Variants in CYFIP2 observed in about 807,000 individuals in gnomAD.
The protein encoded by CYFIP2 is cytoplasmic FMR1 interacting protein 2.
CYFIP2 carries 29 observed loss-of-function variants against 158.7 expected under a neutral mutation model. The observed-to-expected ratio is 0.18, with a 90% CI of 0.14 to 0.25. The LOEUF (loss-of-function observed/expected upper bound fraction) is 0.25, where lower values mean the gene tolerates loss of function less well. Among genes scored for constraint, CYFIP2 ranks in the 10% least tolerant of loss-of-function variants. The pLI is 1.00. For synonymous variants in CYFIP2, 585 were observed against 617.6 expected (o/e 0.95, Z 0.78); for missense variants, 852 against 1,639.5 (o/e 0.52, Z 8.29).
chr5:157,312,023 A>G (rs1354100936), intron 11 of CYFIP2, among the ~76,000 whole-genome samples: 1 of 152,194 alleles, frequency 6.6e-6, no homozygotes, highest in African/African-American at 2.4e-5. Flanking sequence ...CTGTGAAATG[A>G]GGGTGATAAC....
chr5:157,273,857 A>G (rs1756314931), intron 1 of CYFIP2, among the ~76,000 whole-genome samples: 1 of 152,214 alleles, frequency 6.6e-6, no homozygotes, highest in Non-Finnish European at 1.5e-5. Context: ...AGTTCAGGGC[A>G]GGCATGGTGG....
intron 1 of CYFIP2, chr5:157,271,655 A>G (rs531681144): frequency 2.0e-5 from 3 of 152,358 alleles, no homozygotes; most frequent in East Asian, 3.9e-4. Context: ...ATCATGGTTG[A>G]GAGAGAACCA....
chr5:157,322,578 A>G (rs11134689), intron 15 of CYFIP2, among the ~76,000 whole-genome samples: 48,711 of 152,002 alleles, frequency 0.32, 8,588 homozygotes, highest in African/African-American at 0.48. Context: ...ATGGTGAGAC[A>G]GGCCCTCCAA....
At chr5:157,343,006 C>A (rs141743285) in intron 23 of CYFIP2, 304 of 1,614,078 alleles carry the variant, frequency 1.9e-4, no homozygotes, top group Non-Finnish European at 2.4e-4. Context: ...CCAGGGGGAG[C>A]CCCTGCAGGT....
At chr5:157,343,625 C>CA (rs1486399921) in intron 23 of CYFIP2, 1 of 1,123,500 alleles carries the variant, frequency 8.9e-7, no homozygotes, top group Non-Finnish European at 1.2e-6. Flanking sequence ...ATTTATTGCA[C>CA]ATTTGAGACG....
intron 26 of CYFIP2, among the ~76,000 whole-genome samples, chr5:157,378,071 T>C (rs1319967060): frequency 1.3e-5 from 2 of 152,156 alleles, no homozygotes; most frequent in African/African-American, 2.4e-5. Flanking sequence ...TGGGGCTTTA[T>C]GGGATGGATA....
intron 3 of CYFIP2, 30 bp downstream of exon 3, chr5:157,287,138 A>G: frequency 6.3e-7 from 1 of 1,597,182 alleles, no homozygotes; most frequent in Non-Finnish European, 8.6e-7. Flanking sequence ...GTGTGCAGAC[A>G]TGCTCCCTGC....
chr5:157,323,014 C>G (rs1246158458), intron 15 of CYFIP2: 1 of 1,536,058 alleles, frequency 6.5e-7, no homozygotes, highest in Non-Finnish European at 8.7e-7. Context: ...CTGCCGATCC[C>G]TGGTATCACA....
chr5:157,377,738 C>T (rs1765624114), intron 26 of CYFIP2, among the ~76,000 whole-genome samples: 1 of 152,236 alleles, frequency 6.6e-6, no homozygotes. Flanking sequence ...TGTTGGGTAT[C>T]TAGATCCTAT....
chr5:157,288,737 C>T (rs1757594140), intron 3 of CYFIP2: 1 of 419,948 alleles, frequency 2.4e-6, no homozygotes. Context: ...ACTCAGGGTC[C>T]TGCAGCTGAC....
intron 3 of CYFIP2, 127 bp downstream of exon 3, chr5:157,287,235 C>T: frequency 1.5e-6 from 1 of 673,308 alleles, no homozygotes; most frequent in Admixed American, 2.3e-5. Context: ...TCAGAATCAT[C>T]TGCTTAAGCC....
At chr5:157,392,202 A>G (rs1179018849) in intron 30 of CYFIP2, among the ~76,000 whole-genome samples, 1 of 152,130 alleles carries the variant, frequency 6.6e-6, no homozygotes, top group Non-Finnish European at 1.5e-5. Flanking sequence ...TTGCCTTTTC[A>G]TTCTCATGGT....
At chr5:157,283,580 A>G (rs957610335) in intron 1 of CYFIP2, among the ~76,000 whole-genome samples, 1 of 152,218 alleles carries the variant, frequency 6.6e-6, no homozygotes, top group Non-Finnish European at 1.5e-5. Flanking sequence ...AGCCTTCTGC[A>G]GAGGGCAGAT....
intron 13 of CYFIP2, among the ~76,000 whole-genome samples, chr5:157,315,819 C>T (rs1760101402): frequency 1.3e-5 from 2 of 152,134 alleles, no homozygotes; most frequent in Admixed American, 1.3e-4. Context: ...TATACCATGG[C>T]TCACACCTGT....
Position 157,359,160 on chromosome 5 carries a change from C to A in CYFIP2, c.2817+12C>A, listed in dbSNP as rs2289851. ...TTGTGAAGAGCTTGGTAAGGAAAGG[C>A]CTCAGTGTGGCTTGAGATATGCCCA... On this transcript the variant is annotated intron_variant, in intron 24 of 30. Coordinates refer to ENST00000620254, the MANE Select transcript of CYFIP2 (RefSeq NM_001037333.3). 293,047 of 1,613,482 alleles carry A rather than the reference C, an allele frequency of 0.18. 29,151 individuals carry two copies. Among genetic ancestry groups the A allele is most frequent in the South Asian group, 0.3 (27,576 of 91,062 alleles).
At chr5:157,325,949 A>G (rs11746314) in intron 17 of CYFIP2, 27,222 of 554,890 alleles carry the variant, frequency 0.049, 865 homozygotes, top group Middle Eastern at 0.071. Context: ...GTCCCAAATG[A>G]ATTTTTACAA....
At chr5:157,295,740 C>G (rs1431266887) in intron 4 of CYFIP2, among the ~76,000 whole-genome samples, 2 of 152,202 alleles carry the variant, frequency 1.3e-5, no homozygotes, top group Non-Finnish European at 2.9e-5. Context: ...TAATTGTTGA[C>G]TGGTGGATAT....
chr5:157,307,382 G>A (rs1446781879), intron 8 of CYFIP2, among the ~76,000 whole-genome samples: 1 of 152,184 alleles, frequency 6.6e-6, no homozygotes, highest in African/African-American at 2.4e-5. Flanking sequence ...CTGCTTCGCT[G>A]TGTGGCCTTG....
chr5:157,349,579 T>C (rs1055148812), intron 23 of CYFIP2, among the ~76,000 whole-genome samples: 1 of 152,254 alleles, frequency 6.6e-6, no homozygotes, highest in Admixed American at 6.5e-5. Flanking sequence ...GCTATAAACA[T>C]GCGTGTGCAA....
Sources: allele counts gnomAD v4.1 joint callset (sites outside exome capture counted in the v4.1 genomes callset), GRCh38; gene constraint gnomAD v4.1.1; transcripts MANE v1.5; gene names NCBI Gene and HGNC (gene_info 2026-07-23, HGNC 2026-07-21).